The following CCAR1 variants were observed in gnomAD, a reference collection of about 807,000 sequenced individuals.
CCAR1 encodes the protein cell division cycle and apoptosis regulator protein 1.
In CCAR1, 78 loss-of-function variants were observed where a neutral mutation model predicts 163.8. That is an observed-to-expected ratio of 0.48 (90% CI 0.40 to 0.57). CCAR1 has a LOEUF of 0.57. Ranked by LOEUF, CCAR1 falls within the 20% of genes least tolerant of loss-of-function variation. CCAR1 has a pLI of 0.00. For synonymous variants in CCAR1, 443 were observed against 460.7 expected, an observed-to-expected ratio of 0.96 and a Z score of 0.49; for missense variants, 1,019 against 1,365.2, an observed-to-expected ratio of 0.75 and a Z score of 4.00.
Position 68,761,165 on chromosome 10 carries a change from T to G in CCAR1, c.2079T>G (p.Asp693Glu). 6.2e-7 allele frequency: 1 copy of G among 1,603,076 alleles called. No homozygotes were observed. Among genetic ancestry groups the G allele is most frequent in the Non-Finnish European group, 8.5e-7 (1 of 1,176,372 alleles). Reference sequence around the variant, plus strand: ...CTGAAAAAGAAGAGGATGAGGATGATGATAGGAAATCTGAAGACGATAAAG... The same window carrying G: ...CTGAAAAAGAAGAGGATGAGGATGAGGATAGGAAATCTGAAGACGATAAAG... Reference protein sequence around the residue: ...EKSEKEEDEDDDRKSEDDKEE... With the variant: ...EKSEKEEDEDEDRKSEDDKEE... Residue 693 changes from aspartate (D) to glutamate (E), a missense_variant, in exon 16 of 25, where the codon GAT becomes GAG. Asp to Glu is a conservative substitution (Grantham distance 45). Around this residue, in one of 4 missense-constraint regions of CCAR1, gnomAD observed 644 missense variants for 904.4 expected, o/e 0.71. Coordinates refer to ENST00000265872, the MANE Select transcript of CCAR1 (RefSeq NM_018237.4).
intron 19 of CCAR1, among the ~76,000 whole-genome samples, chr10:68,785,512 G>A (rs1391330845): frequency 6.6e-6 from 1 of 152,126 alleles, no homozygotes; most frequent in Non-Finnish European, 1.5e-5. Flanking sequence ...ATGAGCCACT[G>A]TACCTGGCTG....
chr10:68,750,207 CTTTTTTCTTTTTT>C (rs2056313184), intron 10 of CCAR1, among the ~76,000 whole-genome samples: 3 of 116,556 alleles, frequency 2.6e-5, no homozygotes, highest in Non-Finnish European at 3.7e-5. Flanking sequence ...TTTCTTTTTT[CTTTTTTCTTTTTT>C]TTTTTTTTTT....
intron 6 of CCAR1, among the ~76,000 whole-genome samples, chr10:68,743,200 CTTTTT>C (rs567782298): frequency 7.5e-6 from 1 of 132,748 alleles, no homozygotes; most frequent in African/African-American, 2.8e-5. Flanking sequence ...TTTTCTTTTT[CTTTTT>C]TTTTTTTTTG....
rs573243704 is a variant in CCAR1 at position 68,723,809 on chromosome 10, C to T, written c.73+1232C>T. 5.4e-5 allele frequency among the ~76,000 whole-genome samples: 8 copies of T among 147,900 alleles called. No homozygotes were observed. In the South Asian group the frequency reaches 8.5e-4, roughly 16 times the overall value. On this transcript the variant is annotated intron_variant, in intron 2 of 24. Transcript: ENST00000265872. ...CTTGCAGCGAGCTGAGATCGCGCCA[C>T]TGCACTTCAGCCTGGGTGACAGAGC...
At chr10:68,728,368 T>TC (rs1349713799) in intron 2 of CCAR1, among the ~76,000 whole-genome samples, 5 of 152,052 alleles carry the variant, frequency 3.3e-5, no homozygotes, top group Non-Finnish European at 5.9e-5. Flanking sequence ...GGTTTTTTTT[T>TC]CCGTTGTTTT....
chr10:68,783,993 C>T (rs548631716), intron 19 of CCAR1, among the ~76,000 whole-genome samples: 8 of 152,046 alleles, frequency 5.3e-5, no homozygotes, highest in South Asian at 2.1e-4. Context: ...CTCCTGACCT[C>T]GTGATCCGCC....
At chr10:68,775,197 C>G (rs1360143373) in intron 19 of CCAR1, among the ~76,000 whole-genome samples, 2 of 152,080 alleles carry the variant, frequency 1.3e-5, no homozygotes, top group Middle Eastern at 3.2e-3. Flanking sequence ...AAAAAACATG[C>G]TCTGAAATAA....
chr10:68,771,154 TTTA>T lies in CCAR1; in HGVS notation c.2299-46_2299-44del, dbSNP rs1194487987. ...TTATTTGCTAAATTACTCTGCTAGC[TTTA>T]TTATTTCTGTTGAAATTTGGCTAGG... On this transcript the variant is annotated intron_variant, in intron 17 of 24. Coordinates refer to ENST00000265872, the MANE Select transcript of CCAR1 (RefSeq NM_018237.4). 4.1e-6 allele frequency: 6 copies of T among 1,480,588 alleles called. No homozygotes were observed. The Admixed American group carries it at 1.1e-4, about 28-fold the overall frequency. 91.7% of individuals were successfully genotyped at this position (1,480,588 alleles called of 1,614,324 possible). A position where few individuals can be genotyped will look rare whatever the true frequency, so the allele number is the denominator to read the frequency against.
chr10:68,786,569 C>T lies in CCAR1; in HGVS notation c.2757C>T (p.Ile919=). 6.4e-7 allele frequency: 1 copy of T among 1,564,682 alleles called. No individual in the cohort carries two copies. ...AGGAAAAAGAAAAGACTCAAATGAT[C>T]ACAATTAACAGAGATCTGTTAATGG... ...KDKEKEKTQM[I]TINRDLLMAF... Residue 919 remains isoleucine, a synonymous_variant, in exon 21 of 25, where the codon ATC becomes ATT. Transcript: ENST00000265872.
chr10:68,756,324 G>C lies in CCAR1; in HGVS notation c.1677G>C (p.Gly559=). ...ATCGCCCTGAGGAGACCCACAAGGG[G>C]CGTACAGTTCCAGCTCATGTGGAGA... The part of the protein sequence containing the change: ...RYHRPEETHK[G]RTVPAHVETV... Residue 559 remains glycine, a synonymous_variant, in exon 14 of 25, where the codon GGG becomes GGC. Coordinates refer to ENST00000265872, the MANE Select transcript of CCAR1 (RefSeq NM_018237.4). The surrounding 1 kb of genome is among the most constrained non-coding windows in gnomAD (Gnocchi z 5.1). The C allele has an allele frequency of 6.2e-7, 1 of 1,614,066 alleles. No homozygotes were observed. The highest frequency in any genetic ancestry group is 8.5e-7 in the Non-Finnish European group (1 of 1,180,018).
chr10:68,727,112 G>T (rs1396380687), intron 2 of CCAR1, among the ~76,000 whole-genome samples: 2 of 138,918 alleles, frequency 1.4e-5, no homozygotes, highest in African/African-American at 5.4e-5. Flanking sequence ...CTGTCACCCA[G>T]GCTGGAGTGC....
intron 6 of CCAR1, among the ~76,000 whole-genome samples, chr10:68,744,120 G>A (rs1473363620): frequency 6.6e-6 from 1 of 152,052 alleles, no homozygotes; most frequent in Non-Finnish European, 1.5e-5. Flanking sequence ...CCTGACCTCA[G>A]GTGATCTGCA....
chr10:68,741,549 T>A (rs1310942508), intron 5 of CCAR1, among the ~76,000 whole-genome samples: 1 of 152,238 alleles, frequency 6.6e-6, no homozygotes. Flanking sequence ...TGCTGATCAC[T>A]GGTTAATACG....
chr10:68,734,546 G>C (rs184388374), intron 2 of CCAR1, among the ~76,000 whole-genome samples: 83 of 151,652 alleles, frequency 5.5e-4, no homozygotes, highest in African/African-American at 1.8e-3. Context: ...ACCCAGGCTA[G>C]AGTGCAGTGG....
chr10:68,762,010 A>C (rs971570613), intron 16 of CCAR1, among the ~76,000 whole-genome samples: 3 of 152,102 alleles, frequency 2.0e-5, no homozygotes, highest in East Asian at 1.9e-4. Flanking sequence ...ACCACCACCA[A>C]CACCACAATG....
chr10:68,741,443 T>A (rs2056182855), intron 5 of CCAR1, among the ~76,000 whole-genome samples: 1 of 152,248 alleles, frequency 6.6e-6, no homozygotes, highest in Non-Finnish European at 1.5e-5. Flanking sequence ...ACTCTTTTTC[T>A]ATTTTTACAA....
intron 21 of CCAR1, chr10:68,787,056 GC>G (rs1411381163): frequency 5.8e-6 from 1 of 171,104 alleles, no homozygotes; most frequent in Admixed American, 6.5e-5. Context: ...CTGCACTCCA[GC>G]CTGGGTGACA....
intron 19 of CCAR1, among the ~76,000 whole-genome samples, chr10:68,785,882 T>C (rs2056790053): frequency 6.6e-6 from 1 of 152,232 alleles, no homozygotes; most frequent in East Asian, 1.9e-4. Flanking sequence ...GACTGGCTTC[T>C]TTTACTTAGC....
intron 19 of CCAR1, among the ~76,000 whole-genome samples, chr10:68,774,320 C>A (rs141847890): frequency 9.7e-4 from 148 of 152,226 alleles, no homozygotes; most frequent in African/African-American, 3.3e-3. Context: ...GAGCTACATA[C>A]GTGTTCTAAA....
Sources: gnomAD v4.1 joint callset for allele counts (sites outside exome capture counted in the v4.1 genomes callset) on GRCh38, gnomAD v4.1.1 for gene constraint, gnomAD v4.1.1 regional missense constraint, Gnocchi (gnomAD v3.1) non-coding constraint, MANE v1.5 for transcripts, NCBI Gene and HGNC (gene_info 2026-07-23, HGNC 2026-07-21) for gene names.